Variants in NOVA1 observed in about 807,000 individuals in gnomAD.
The protein encoded by NOVA1 is NOVA alternative splicing regulator 1.
Under a neutral mutation model 38.0 loss-of-function variants are expected in NOVA1, and 7 were observed. The ratio of observed to expected loss-of-function variants is 0.18; its 90% confidence interval spans 0.10 to 0.35. The LOEUF (loss-of-function observed/expected upper bound fraction) is 0.35. Ranked by LOEUF, NOVA1 falls within the 10% of genes least tolerant of loss-of-function variation. The pLI is 1.00. For synonymous variants in NOVA1, 270 were observed against 232.5 expected, an observed-to-expected ratio of 1.16 and a Z score of -1.47; for missense variants, 460 against 616.0, an observed-to-expected ratio of 0.75 and a Z score of 2.68.
chr14:26,537,155 T>C (rs983669853), intron 2 of NOVA1, among the ~76,000 whole-genome samples: 1 of 152,052 alleles, frequency 6.6e-6, no homozygotes, highest in African/African-American at 2.4e-5. Context: ...TAATAAAGGA[T>C]TGATAAATAT....
At chr14:26,568,264 C>A (rs1487374416) in intron 2 of NOVA1, among the ~76,000 whole-genome samples, 6 of 152,014 alleles carry the variant, frequency 3.9e-5, no homozygotes, top group Admixed American at 2.0e-4. Flanking sequence ...CATTCATATA[C>A]AAAATGAACA....
At chr14:26,501,495 G>C (rs1217458885) in intron 2 of NOVA1, among the ~76,000 whole-genome samples, 1 of 151,898 alleles carries the variant, frequency 6.6e-6, no homozygotes, top group Non-Finnish European at 1.5e-5. Flanking sequence ...AAAATCACTG[G>C]AAGTGTGTTT....
At chr14:26,533,665 A>T (rs1362947801) in intron 2 of NOVA1, among the ~76,000 whole-genome samples, 1 of 152,156 alleles carries the variant, frequency 6.6e-6, no homozygotes, top group Non-Finnish European at 1.5e-5. Flanking sequence ...TTCTGTTTAG[A>T]TGTTAATTTC....
At chr14:26,492,479 T>G (rs1416806539) in intron 2 of NOVA1, among the ~76,000 whole-genome samples, 5 of 152,226 alleles carry the variant, frequency 3.3e-5, no homozygotes, top group Non-Finnish European at 7.3e-5. Context: ...GAGTGTGATG[T>G]TAGCTGCGGC....
intron 2 of NOVA1, 83 bp from the exon 3 acceptor site, chr14:26,480,226 A>C: frequency 8.8e-7 from 1 of 1,135,240 alleles, no homozygotes; most frequent in South Asian, 1.6e-5. Context: ...TCATAACGCC[A>C]AAAAAATGTA....
chr14:26,465,702 A>T (rs1050840767), intron 4 of NOVA1, among the ~76,000 whole-genome samples: 1 of 151,628 alleles, frequency 6.6e-6, no homozygotes, highest in Non-Finnish European at 1.5e-5. Context: ...ATTGTAAAAA[A>T]AAAGAATTTT....
At chr14:26,561,271 G>T (rs1192705924) in intron 2 of NOVA1, among the ~76,000 whole-genome samples, 1 of 152,142 alleles carries the variant, frequency 6.6e-6, no homozygotes, top group African/African-American at 2.4e-5. Context: ...TGAATAAGCT[G>T]AATAAGTTTG....
chr14:26,558,803 C>T (rs755637479), intron 2 of NOVA1, among the ~76,000 whole-genome samples: 15 of 151,864 alleles, frequency 9.9e-5, no homozygotes, highest in East Asian at 3.9e-4. Flanking sequence ...AATATTGATA[C>T]ATAAGGTTAT....
chr14:26,511,576 A>AC (rs1329587038), intron 2 of NOVA1, among the ~76,000 whole-genome samples: 1 of 151,790 alleles, frequency 6.6e-6, no homozygotes, highest in Non-Finnish European at 1.5e-5. Flanking sequence ...ACATGGTGAA[A>AC]CCCTGTCTCT....
chr14:26,501,286 T>C (rs1887225852), intron 2 of NOVA1, among the ~76,000 whole-genome samples: 1 of 151,986 alleles, frequency 6.6e-6, no homozygotes, highest in South Asian at 2.1e-4. Flanking sequence ...ATATCATTCT[T>C]AGTTTACTAG....
chr14:26,506,994 C>T (rs2138433287), intron 2 of NOVA1, among the ~76,000 whole-genome samples: 1 of 152,210 alleles, frequency 6.6e-6, no homozygotes, highest in Middle Eastern at 3.4e-3. Flanking sequence ...TTGAAATTTC[C>T]TGAATTTAAT....
At chr14:26,571,366 A>T (rs61986555) in intron 2 of NOVA1, among the ~76,000 whole-genome samples, 1 of 152,026 alleles carries the variant, frequency 6.6e-6, no homozygotes. Context: ...ACGAGAAGAT[A>T]CTATCTTTTC....
chr14:26,510,870 T>G (rs1315457277), intron 2 of NOVA1, among the ~76,000 whole-genome samples: 1 of 152,208 alleles, frequency 6.6e-6, no homozygotes, highest in Non-Finnish European at 1.5e-5. Flanking sequence ...AATTACATTT[T>G]TAAAATTAAC....
chr14:26,534,842 A>C (rs1156418627), intron 2 of NOVA1, among the ~76,000 whole-genome samples: 1 of 152,176 alleles, frequency 6.6e-6, no homozygotes, highest in Non-Finnish European at 1.5e-5. Context: ...AAATGTGATG[A>C]CAAAAGCAAA....
intron 2 of NOVA1, among the ~76,000 whole-genome samples, chr14:26,492,144 C>T (rs1320820578): frequency 6.6e-6 from 1 of 152,098 alleles, no homozygotes. Flanking sequence ...ATTTTAGATG[C>T]TACTGTAAAC....
chr14:26,529,442 T>G (rs1889542866), intron 2 of NOVA1, among the ~76,000 whole-genome samples: 2 of 152,186 alleles, frequency 1.3e-5, no homozygotes, highest in South Asian at 2.1e-4. Flanking sequence ...CCAGCCGAAG[T>G]GGTTATGCCT....
intron 1 of NOVA1, chr14:26,596,784 T>C (rs1894218056): frequency 2.5e-6 from 3 of 1,180,468 alleles, no homozygotes; most frequent in Non-Finnish European, 3.2e-6. Context: ...GGGCATGCAC[T>C]CATCAAGATT....
intron 2 of NOVA1, among the ~76,000 whole-genome samples, chr14:26,568,679 C>A (rs1002971971): frequency 6.6e-6 from 1 of 152,016 alleles, no homozygotes; most frequent in Non-Finnish European, 1.5e-5. Flanking sequence ...GCAACTAGAG[C>A]ATGTAAGGGG....
rs1328234690 is a variant in NOVA1 at position 26,445,721 on chromosome 14, TC to T, written c.*2237del. 15 of 152,418 alleles carry T rather than the reference TC, an allele frequency of 9.8e-5. No individual in the cohort carries two copies. The East Asian group carries it at 2.9e-3, about 29-fold the overall frequency. 9.4% of individuals were successfully genotyped at this position (152,418 alleles called of 1,614,324 possible). A position where few individuals can be genotyped will look rare whatever the true frequency, so the allele number is the denominator to read the frequency against. The stretch of plus-strand genomic sequence containing the variant: ...AGTACACATCCTAGATCACTTCCTT[TC>T]CCTTTTTCAAACTAAGTGGGGCCCC... On this transcript the variant is annotated 3_prime_UTR_variant, in exon 5 of 5. Transcript: ENST00000539517.
Sources: gnomAD v4.1 joint callset for allele counts (sites outside exome capture counted in the v4.1 genomes callset) on GRCh38, gnomAD v4.1.1 for gene constraint, MANE v1.5 for transcripts, NCBI Gene and HGNC (gene_info 2026-07-23, HGNC 2026-07-21) for gene names.